The following N4BP2 variants were observed in gnomAD, a reference collection of about 807,000 sequenced individuals.
N4BP2 encodes NEDD4 binding protein 2, also known as NEDD4-binding protein 2.
N4BP2 carries 91 observed loss-of-function variants against 152.8 expected under a neutral mutation model. That is an observed-to-expected ratio of 0.60 (90% CI 0.50 to 0.71). N4BP2 has a LOEUF of 0.71. Among genes scored for constraint, N4BP2 ranks in the 30% least tolerant of loss-of-function variants. N4BP2 has a pLI of 0.00. For missense variants in N4BP2, 1,923 were observed against 2,059.1 expected, an observed-to-expected ratio of 0.93 and a Z score of 1.28; for synonymous variants, 646 against 705.3, an observed-to-expected ratio of 0.92 and a Z score of 1.33.
chr4:40,059,921 G>A (rs182460198), intron 1 of N4BP2, among the ~76,000 whole-genome samples: 8 of 152,286 alleles, frequency 5.3e-5, no homozygotes. Flanking sequence ...TACCCGACTA[G>A]TGTGTGGGAG....
At chr4:40,122,428 C>A in intron 9 of N4BP2, 119 bp downstream of exon 9, 1 of 574,456 alleles carries the variant, frequency 1.7e-6, no homozygotes. Flanking sequence ...GGCTGGAGTG[C>A]AGTGCCTCAA....
chr4:40,067,268 T>G (rs1032948674), intron 1 of N4BP2, among the ~76,000 whole-genome samples: 1 of 151,948 alleles, frequency 6.6e-6, no homozygotes, highest in Non-Finnish European at 1.5e-5. Flanking sequence ...CGGGCTGATC[T>G]TGAACTCCTG....
Position 40,121,968 on chromosome 4 carries a change from A to G in N4BP2, c.3857A>G (p.Asp1286Gly). The change falls in exon 9 of 18, where the codon GAT (aspartate) becomes GGT (glycine). Residue 1286 changes from aspartate to glycine, a missense_variant. Physicochemically the swap from Asp to Gly is moderately conservative, Grantham distance 94 (BLOSUM62 -1). Coordinates refer to ENST00000261435, the MANE Select transcript of N4BP2 (RefSeq NM_018177.6). ...DNIHSPSHFS[D>G]IFNFVSSTSN... ...ATACATTCTCCTTCACATTTCTCTG[A>G]TATTTTTAACTTTGTATCTAGTACT... 1.3e-6 allele frequency: 2 copies of G among 1,558,536 alleles called. No individual in the cohort carries two copies. The highest frequency in any genetic ancestry group is 8.7e-7 in the Non-Finnish European group (1 of 1,154,068).
chr4:40,124,328 A>T (rs1718198601), intron 11 of N4BP2, 123 bp downstream of exon 11: 1 of 522,778 alleles, frequency 1.9e-6, no homozygotes, highest in Non-Finnish European at 3.4e-6. Context: ...TTTGCAAATA[A>T]AAGTTTTATT....
downstream of N4BP2, among the ~76,000 whole-genome samples, chr4:40,160,116 G>A (rs779172242): frequency 1.2e-4 from 19 of 152,190 alleles, no homozygotes; most frequent in South Asian, 1.0e-3. Context: ...AATCACACCC[G>A]GCCAGGGAAT....
At position 40,105,548 on chromosome 4, in the gene N4BP2, CTT is replaced by C. The variant is rs34782994; in HGVS notation, c.1374-1336_1374-1335del. Among the ~76,000 whole-genome samples, 232 of 140,076 alleles carry C rather than the reference CTT, an allele frequency of 1.7e-3. 1 individual carries two copies. The highest frequency in any genetic ancestry group is 3.1e-3 in the East Asian group (15 of 4,826). 91.9% of individuals were successfully genotyped at this position (140,076 alleles called of 152,430 possible). ...CCATGTTGGCCAGGCTGGTCTCAAA[CTT>C]TTTTTTTTTTTTTTTAAGAGACAGG... On this transcript the variant is annotated intron_variant, in intron 4 of 17. Coordinates refer to ENST00000261435, the MANE Select transcript of N4BP2 (RefSeq NM_018177.6).
At chr4:40,185,645 A>G in the N4BP2 span, among the ~76,000 whole-genome samples, 1 of 152,164 alleles carries the variant, frequency 6.6e-6, no homozygotes, top group Non-Finnish European at 1.5e-5. Flanking sequence ...TTACTTTTTA[A>G]AAGGTTTATG....
chr4:40,149,939 T>A (rs1486661571), intron 16 of N4BP2, among the ~76,000 whole-genome samples: 1 of 149,968 alleles, frequency 6.7e-6, no homozygotes, highest in Non-Finnish European at 1.5e-5. Context: ...AAAAAAGAGC[T>A]AAGTAATTTG....
intron 2 of N4BP2, among the ~76,000 whole-genome samples, chr4:40,095,516 T>A (rs1715029171): frequency 6.6e-6 from 1 of 152,230 alleles, no homozygotes; most frequent in African/African-American, 2.4e-5. Flanking sequence ...TTGTAATTAA[T>A]TTAAATTTAA....
At chr4:40,062,951 C>T (rs1182272413) in intron 1 of N4BP2, among the ~76,000 whole-genome samples, 3 of 152,004 alleles carry the variant, frequency 2.0e-5, no homozygotes, top group African/African-American at 7.3e-5. Context: ...CACCACATAG[C>T]GGTAAATGGA....
chr4:40,124,272 C>A, intron 11 of N4BP2, 67 bp downstream of exon 11: 1 of 1,222,230 alleles, frequency 8.2e-7, no homozygotes, highest in Non-Finnish European at 1.2e-6. Flanking sequence ...TGAATTTTAA[C>A]TCATTCTAAA....
At chr4:40,140,855 A>G (rs975292766) in intron 14 of N4BP2, among the ~76,000 whole-genome samples, 5 of 151,134 alleles carry the variant, frequency 3.3e-5, no homozygotes, top group South Asian at 2.1e-4. Context: ...CCCTTAATCC[A>G]TTTAACCCTG....
chr4:40,092,022 A>ATATG (rs1560584943), intron 2 of N4BP2, among the ~76,000 whole-genome samples: 1 of 115,326 alleles, frequency 8.7e-6, no homozygotes, highest in African/African-American at 3.2e-5. Flanking sequence ...ATATATATAT[A>ATATG]TATATATATA....
chr4:40,151,985 T>C (rs951616020), intron 16 of N4BP2, among the ~76,000 whole-genome samples: 8 of 152,206 alleles, frequency 5.3e-5, no homozygotes, highest in African/African-American at 1.9e-4. Flanking sequence ...AATAGTTTTT[T>C]TGTTGTTTTT....
chr4:40,175,808 A>G, the N4BP2 span, among the ~76,000 whole-genome samples: 88 of 89,968 alleles, frequency 9.8e-4, no homozygotes, highest in Non-Finnish European at 1.4e-3. Flanking sequence ...TCGTCTCAAG[A>G]AAAAAAAAAA....
rs201171424 is a variant in N4BP2 at position 40,063,664 on chromosome 4, A to G, written c.-212+6634A>G. ...TAATTAATTAATTAATTTTTTTGAG[A>G]CGGAGTTTTGCTCTTGTTGCCCAGG... On this transcript the variant is annotated intron_variant, in intron 1 of 17. Coordinates refer to ENST00000261435, the MANE Select transcript of N4BP2 (RefSeq NM_018177.6). Among the ~76,000 whole-genome samples, 16 of 151,840 alleles carry G rather than the reference A, an allele frequency of 1.1e-4. No homozygotes were observed. In the East Asian group the frequency reaches 2.5e-3, roughly 24 times the overall value.
At chr4:40,062,643 G>A (rs552162951) in intron 1 of N4BP2, among the ~76,000 whole-genome samples, 1 of 145,110 alleles carries the variant, frequency 6.9e-6, no homozygotes, top group Non-Finnish European at 1.5e-5. Context: ...ATTGACACTT[G>A]GCTGTCAGTG....
At chr4:40,109,882 A>G (rs1242966178) in intron 5 of N4BP2, among the ~76,000 whole-genome samples, 1 of 152,236 alleles carries the variant, frequency 6.6e-6, no homozygotes, top group African/African-American at 2.4e-5. Flanking sequence ...TTAGAACTTA[A>G]TATTCAGGGC....
chr4:40,142,849 T>C lies in N4BP2; in HGVS notation c.4962T>C (p.Phe1654=). ...YRIGKKNVAT[F]YAQQGTLHEQ... is the part of the protein sequence containing the mutation. ...TAGGGAAAAAAAATGTCGCCACCTTTTATGCCCAGCAGGTAAAGTGGAAAA... is the reference window on the plus strand; with the variant it reads ...TAGGGAAAAAAAATGTCGCCACCTTCTATGCCCAGCAGGTAAAGTGGAAAA... The change falls in exon 15 of 18, where the codon TTT becomes TTC. Residue 1654 remains phenylalanine (F), a synonymous_variant. Coordinates refer to ENST00000261435, the MANE Select transcript of N4BP2 (RefSeq NM_018177.6). 1 of 1,613,702 alleles carries C rather than the reference T, an allele frequency of 6.2e-7. No individual in the cohort carries two copies. The highest frequency in any genetic ancestry group is 8.5e-7 in the Non-Finnish European group (1 of 1,179,898).
Sources: gnomAD v4.1 joint callset for allele counts (sites outside exome capture counted in the v4.1 genomes callset) on GRCh38, gnomAD v4.1.1 for gene constraint, MANE v1.5 for transcripts, NCBI Gene and HGNC (gene_info 2026-07-23, HGNC 2026-07-21) for gene names.